MINDY4: variants seen among roughly 807,000 people sequenced by gnomAD.
MINDY4 encodes MINDY lysine 48 deubiquitinase 4, also known as probable ubiquitin carboxyl-terminal hydrolase MINDY-4.
MINDY4 carries 68 observed loss-of-function variants against 87.0 expected under a neutral mutation model. That is an observed-to-expected ratio of 0.78 (90% CI 0.64 to 0.96). The LOEUF (loss-of-function observed/expected upper bound fraction) is 0.96. Ranked by LOEUF, MINDY4 falls within the 40% of genes least tolerant of loss-of-function variation. The pLI is 0.00. For missense variants in MINDY4, 919 were observed against 928.2 expected, an observed-to-expected ratio of 0.99 and a Z score of 0.13; for synonymous variants, 379 against 363.2, an observed-to-expected ratio of 1.04 and a Z score of -0.50.
At chr7:30,872,167 A>G in intron 13 of MINDY4, 76 bp from the exon 14 acceptor site, 1 of 1,338,612 alleles carries the variant, frequency 7.5e-7, no homozygotes. Context: ...ACCTAAGGGG[A>G]GCGCCTGGTC....
intron 12 of MINDY4, among the ~76,000 whole-genome samples, chr7:30,855,232 G>A (rs1286110645): frequency 1.3e-5 from 2 of 152,260 alleles, no homozygotes; most frequent in Non-Finnish European, 2.9e-5. Context: ...CAGTTATCAG[G>A]TAGCTTCCAG....
chr7:30,876,321 G>A (rs979444425), intron 15 of MINDY4, among the ~76,000 whole-genome samples: 1 of 152,108 alleles, frequency 6.6e-6, no homozygotes, highest in South Asian at 2.1e-4. Context: ...TGGATTAAGG[G>A]CCCACCGTAC....
At chr7:30,834,320 T>C (rs996367767) in intron 6 of MINDY4, among the ~76,000 whole-genome samples, 10 of 152,240 alleles carry the variant, frequency 6.6e-5, no homozygotes, top group Non-Finnish European at 1.5e-5. Flanking sequence ...CACCACATGG[T>C]AGCTGCCAAA....
At chr7:30,875,368 C>T in intron 14 of MINDY4, 127 bp from the exon 15 acceptor site, 1 of 1,052,624 alleles carries the variant, frequency 9.5e-7, no homozygotes, top group Non-Finnish European at 1.5e-6. Flanking sequence ...GCCTCCTCTG[C>T]TCTCAGGCTC....
intron 6 of MINDY4, among the ~76,000 whole-genome samples, chr7:30,835,347 A>G (rs369196289): frequency 2.0e-5 from 3 of 152,230 alleles, no homozygotes; most frequent in African/African-American, 7.2e-5. Flanking sequence ...ATTCACTATC[A>G]TGAGAACGGC....
At chr7:30,828,802 C>A in intron 6 of MINDY4, 65 bp downstream of exon 6, 1 of 1,551,846 alleles carries the variant, frequency 6.4e-7, no homozygotes, top group South Asian at 1.1e-5. Flanking sequence ...TTGGCTCTGT[C>A]TGGGAGATGG....
chr7:30,838,830 A>G (rs1211657973), intron 7 of MINDY4, among the ~76,000 whole-genome samples: 4 of 152,156 alleles, frequency 2.6e-5, no homozygotes, highest in African/African-American at 9.7e-5. Context: ...AGATGGTTCT[A>G]ATGTGAGGTC....
intron 5 of MINDY4, chr7:30,796,815 T>C (rs1350795315): frequency 6.6e-6 from 1 of 151,872 alleles, no homozygotes; most frequent in Non-Finnish European, 1.5e-5. Flanking sequence ...AACCAACATA[T>C]GATGTCTTGC....
rs866755463 is a variant in MINDY4 at position 30,840,855 on chromosome 7, C to T, written c.1445+7C>T. 11 of 1,611,400 alleles carry T rather than the reference C, an allele frequency of 6.8e-6. No individual in the cohort carries two copies. In the Middle Eastern group the frequency reaches 9.9e-4, roughly 145 times the overall value. Reference sequence around the variant, plus strand: ...GCAAAGCCGACTGTGCTCAGTAAGTCAGTGCTCTTTCTGGCAATATCTTAT... The same window carrying T: ...GCAAAGCCGACTGTGCTCAGTAAGTTAGTGCTCTTTCTGGCAATATCTTAT... On this transcript the variant is annotated splice_region_variant and intron_variant, in intron 9 of 17. Transcript: ENST00000265299.
chr7:30,841,982 G>A (rs558726941), intron 9 of MINDY4, among the ~76,000 whole-genome samples: 76 of 152,278 alleles, frequency 5.0e-4, no homozygotes, highest in African/African-American at 1.8e-3. Context: ...TCCTGGGAAC[G>A]ACACTGTTCA....
chr7:30,878,747 C>T (rs182925239), intron 15 of MINDY4, among the ~76,000 whole-genome samples: 1 of 152,276 alleles, frequency 6.6e-6, no homozygotes, highest in Admixed American at 6.5e-5. Context: ...AACAGCTTGA[C>T]GGGCAAGAGT....
At chr7:30,871,855 A>T (rs906963669) in intron 13 of MINDY4, among the ~76,000 whole-genome samples, 1 of 152,198 alleles carries the variant, frequency 6.6e-6, no homozygotes, top group African/African-American at 2.4e-5. Context: ...TGAGGCTCAG[A>T]GGTGGAAGAG....
chr7:30,869,466 G>C (rs976798561), intron 13 of MINDY4, among the ~76,000 whole-genome samples: 2 of 152,096 alleles, frequency 1.3e-5, no homozygotes, highest in Non-Finnish European at 2.9e-5. Context: ...ACAGACATTC[G>C]TGTCTTACAG....
intron 13 of MINDY4, among the ~76,000 whole-genome samples, chr7:30,863,715 C>G (rs902706233): frequency 6.6e-6 from 1 of 152,172 alleles, no homozygotes; most frequent in African/African-American, 2.4e-5. Flanking sequence ...TTGTCAGAGG[C>G]CCCAAGAAGA....
At chr7:30,849,002 A>G (rs1789315442) in intron 9 of MINDY4, among the ~76,000 whole-genome samples, 1 of 152,166 alleles carries the variant, frequency 6.6e-6, no homozygotes, top group Non-Finnish European at 1.5e-5. Context: ...GCCACGAGGG[A>G]GGTGCAGTGG....
chr7:30,778,807 C>T (rs1376498636), intron 2 of MINDY4, among the ~76,000 whole-genome samples: 1 of 152,220 alleles, frequency 6.6e-6, no homozygotes, highest in Non-Finnish European at 1.5e-5. Flanking sequence ...GAGCCTGTGG[C>T]AGTGCTCAGC....
chr7:30,819,693 T>A (rs1788264905), intron 5 of MINDY4, among the ~76,000 whole-genome samples: 1 of 152,104 alleles, frequency 6.6e-6, no homozygotes, highest in South Asian at 2.1e-4. Context: ...GATGGCTACA[T>A]TTTTCTGTTG....
chr7:30,872,434 A>G, intron 14 of MINDY4, 128 bp downstream of exon 14: 1 of 840,026 alleles, frequency 1.2e-6, no homozygotes, highest in Non-Finnish European at 1.9e-6. Flanking sequence ...ACACTCTTCA[A>G]GCAGCTTTCA....
chr7:30,846,187 A>G (rs1314747013), intron 9 of MINDY4, among the ~76,000 whole-genome samples: 1 of 152,166 alleles, frequency 6.6e-6, no homozygotes, highest in African/African-American at 2.4e-5. Flanking sequence ...GCCCCAGGCC[A>G]GCCTTTCTAC....
Sources: gnomAD v4.1 joint callset for allele counts (sites outside exome capture counted in the v4.1 genomes callset) on GRCh38, gnomAD v4.1.1 for gene constraint, MANE v1.5 for transcripts, NCBI Gene and HGNC (gene_info 2026-07-23, HGNC 2026-07-21) for gene names.